OCIAD1: variants seen among roughly 807,000 people sequenced by gnomAD.
OCIAD1 encodes the protein OCIA domain-containing protein 1.
Under a neutral mutation model 38.9 loss-of-function variants are expected in OCIAD1, and 29 were observed. That is an observed-to-expected ratio of 0.74 (90% CI 0.55 to 1.02). OCIAD1 has a LOEUF of 1.02. Among genes scored for constraint, OCIAD1 ranks in the 50% least tolerant of loss-of-function variants. The probability of loss-of-function intolerance (pLI) is 0.00; values close to 1 mark genes in which losing one functional copy is unlikely to be tolerated. For missense variants in OCIAD1, 288 were observed against 289.6 expected (o/e 0.99, Z 0.04); for synonymous variants, 110 against 92.0 (o/e 1.20, Z -1.12).
intron 4 of OCIAD1, among the ~76,000 whole-genome samples, chr4:48,847,060 CTA>C (rs1779037746): frequency 6.6e-6 from 1 of 152,160 alleles, no homozygotes; most frequent in Non-Finnish European, 1.5e-5. Flanking sequence ...TATTACCAAA[CTA>C]TTTAGACCAA....
intron 2 of OCIAD1, among the ~76,000 whole-genome samples, chr4:48,833,070 G>T (rs1474291007): frequency 6.6e-6 from 1 of 152,048 alleles, no homozygotes. Context: ...GGCTAACATG[G>T]TGAAACCCCG....
chr4:48,852,190 A>C, intron 7 of OCIAD1: 1 of 427,496 alleles, frequency 2.3e-6, no homozygotes, highest in Non-Finnish European at 4.1e-6. Context: ...AAGAAGATGA[A>C]TAACACTTGG....
At chr4:48,860,624 A>T (rs1780513814) in intron 8 of OCIAD1, 101 bp from the exon 9 acceptor site, 2 of 921,994 alleles carry the variant, frequency 2.2e-6, no homozygotes, top group East Asian at 2.4e-5. Flanking sequence ...TTTTATTCAA[A>T]TGAGAGAGAA....
chr4:48,857,983 GTCTC>G (rs369785625), intron 8 of OCIAD1, among the ~76,000 whole-genome samples: 1 of 152,172 alleles, frequency 6.6e-6, no homozygotes, highest in East Asian at 1.9e-4. Context: ...GCGATACCTT[GTCTC>G]TACTAAAAAT....
chr4:48,805,355 A>C (rs1306117194), intron 1 of OCIAD1: 1 of 152,222 alleles, frequency 6.6e-6, no homozygotes, highest in Non-Finnish European at 1.5e-5. Context: ...GCCGAACCAC[A>C]CAGCTAACCC....
upstream of OCIAD1, among the ~76,000 whole-genome samples, chr4:48,826,842 A>G (rs892060448): frequency 5.9e-5 from 9 of 152,214 alleles, no homozygotes; most frequent in Non-Finnish European, 7.3e-5. Context: ...TTTTCCTCAC[A>G]TTATCTCCAA....
intron 1 of OCIAD1, among the ~76,000 whole-genome samples, chr4:48,809,667 A>G (rs567143250): frequency 6.6e-6 from 1 of 152,154 alleles, no homozygotes; most frequent in South Asian, 2.1e-4. Flanking sequence ...TTCTCTAGCT[A>G]TTACTAATAA....
At chr4:48,844,472 C>T (rs928166350) in intron 4 of OCIAD1, among the ~76,000 whole-genome samples, 27 of 151,836 alleles carry the variant, frequency 1.8e-4, no homozygotes, top group African/African-American at 1.7e-4. Context: ...AAAAATTAGC[C>T]GGGCGTGGTC....
At chr4:48,806,162 G>A (rs1212102200) in intron 1 of OCIAD1, among the ~76,000 whole-genome samples, 3 of 152,024 alleles carry the variant, frequency 2.0e-5, no homozygotes, top group Non-Finnish European at 4.4e-5. Flanking sequence ...AGCTACTAGG[G>A]AGGCTGAGGC....
At chr4:48,844,002 ACT>A (rs1431304529) in intron 4 of OCIAD1, among the ~76,000 whole-genome samples, 1 of 152,184 alleles carries the variant, frequency 6.6e-6, no homozygotes, top group Non-Finnish European at 1.5e-5. Context: ...TATAGTAGAG[ACT>A]CTAAGAGTTG....
rs1368910199 is a variant in OCIAD1, at chr4:48,843,196, C to T, written c.193+507C>T. 2.6e-5 allele frequency among the ~76,000 whole-genome samples: 4 copies of T among 152,010 alleles called. No homozygotes were observed. In the East Asian group the frequency reaches 5.8e-4, roughly 22 times the overall value. Reference sequence around the variant, plus strand: ...AGGTGATCTATTTTTAACGAGCCACCGAGGAGACTTTCTTGTCCTAAAGTC... The same window carrying T: ...AGGTGATCTATTTTTAACGAGCCACTGAGGAGACTTTCTTGTCCTAAAGTC... On this transcript the variant is annotated intron_variant, in intron 4 of 8. Transcript: ENST00000264312.
At chr4:48,844,151 G>A (rs984241856) in intron 4 of OCIAD1, among the ~76,000 whole-genome samples, 1 of 152,108 alleles carries the variant, frequency 6.6e-6, no homozygotes, top group African/African-American at 2.4e-5. Flanking sequence ...GGGACCTGAT[G>A]ATGAAGACAA....
intron 6 of OCIAD1, among the ~76,000 whole-genome samples, chr4:48,850,568 T>TC (rs1366005468): frequency 6.6e-6 from 1 of 152,096 alleles, no homozygotes; most frequent in Non-Finnish European, 1.5e-5. Context: ...GCCTGGTTCT[T>TC]CATTTTTGTT....
At chr4:48,849,301 TAAGTA>T (rs1779225751) in intron 5 of OCIAD1, among the ~76,000 whole-genome samples, 1 of 151,966 alleles carries the variant, frequency 6.6e-6, no homozygotes, top group Non-Finnish European at 1.5e-5. Flanking sequence ...TAATAAAAAA[TAAGTA>T]AATAAATAAA....
chr4:48,854,590 C>CA (rs1322918495), intron 7 of OCIAD1, among the ~76,000 whole-genome samples: 1 of 152,176 alleles, frequency 6.6e-6, no homozygotes, highest in Non-Finnish European at 1.5e-5. Context: ...AGCCAACAAA[C>CA]AAAAAGCCCT....
At chr4:48,814,821 T>A (rs1311959446) in intron 1 of OCIAD1, among the ~76,000 whole-genome samples, 2 of 152,218 alleles carry the variant, frequency 1.3e-5, no homozygotes, top group African/African-American at 4.8e-5. Flanking sequence ...TAACTTTATA[T>A]GATTTAGTAT....
chr4:48,815,337 T>C (rs1777134212), intron 1 of OCIAD1, among the ~76,000 whole-genome samples: 1 of 152,184 alleles, frequency 6.6e-6, no homozygotes, highest in African/African-American at 2.4e-5. Flanking sequence ...AAATTATTTC[T>C]AGAAGAAATT....
chr4:48,860,966 G>A lies in OCIAD1; in HGVS notation c.*204G>A, dbSNP rs577298132. ...ATTGTGTAAATGTACTCACCTTAGGGATTCATTTGAATGATGGTATTATAC... is the reference window on the plus strand; with the variant it reads ...ATTGTGTAAATGTACTCACCTTAGGAATTCATTTGAATGATGGTATTATAC... On this transcript the variant is annotated 3_prime_UTR_variant, in exon 9 of 9. Transcript: ENST00000264312. The A allele has an allele frequency of 1.0e-4, 55 of 545,954 alleles. 1 individual carries two copies. The East Asian group carries it at 1.5e-3, about 15-fold the overall frequency. 33.8% of individuals were successfully genotyped at this position (545,954 alleles called of 1,614,324 possible). A position where few individuals can be genotyped will look rare whatever the true frequency, so the allele number is the denominator to read the frequency against.
chr4:48,824,437 C>G (rs528186216), intron 1 of OCIAD1, among the ~76,000 whole-genome samples: 119 of 151,792 alleles, frequency 7.8e-4, no homozygotes, highest in African/African-American at 2.8e-3. Context: ...CTGGAGTGTA[C>G]AGGCACAATC....
Sources: allele counts gnomAD v4.1 joint callset (sites outside exome capture counted in the v4.1 genomes callset), GRCh38; gene constraint gnomAD v4.1.1; transcripts MANE v1.5; gene names NCBI Gene and HGNC (gene_info 2026-07-23, HGNC 2026-07-21).